The following MEP1A variants were observed in gnomAD, a reference collection of about 807,000 sequenced individuals.
The protein encoded by MEP1A is meprin A subunit alpha.
In MEP1A, 68 loss-of-function variants were observed where a neutral mutation model predicts 84.5. That is an observed-to-expected ratio of 0.80 (90% CI 0.66 to 0.98). MEP1A has a LOEUF of 0.98. MEP1A is among the 50% of genes least tolerant of loss of function. MEP1A has a pLI of 0.00. For synonymous variants in MEP1A, 337 were observed against 336.8 expected, an observed-to-expected ratio of 1.00 and a Z score of -0.01; for missense variants, 887 against 919.9, an observed-to-expected ratio of 0.96 and a Z score of 0.46.
Position 46,829,285 on chromosome 6 carries a change from CTTTG to C in MEP1A, c.929-66_929-63del, listed in dbSNP as rs61520652. 8.4e-3 allele frequency: 11,006 copies of C among 1,314,496 alleles called. 748 individuals carry two copies. In the African/African-American group the frequency reaches 0.14, roughly 17 times the overall value. 81.4% of individuals were successfully genotyped at this position (1,314,496 alleles called of 1,614,324 possible). A position where few individuals can be genotyped will look rare whatever the true frequency, so the allele number is the denominator to read the frequency against. ...ACAATGGCTGTGGTTCACTATTTCA[CTTTG>C]TTTGGGTGGACAGAACCCTGGGGTG... On this transcript the variant is annotated intron_variant, in intron 9 of 13. Coordinates refer to ENST00000230588, the MANE Select transcript of MEP1A (RefSeq NM_005588.3).
intron 3 of MEP1A, among the ~76,000 whole-genome samples, chr6:46,795,835 G>A (rs528161471): frequency 6.6e-6 from 1 of 152,084 alleles, no homozygotes; most frequent in African/African-American, 2.4e-5. Context: ...TCAACATAAA[G>A]TAAAGGCCCT....
the MEP1A span, among the ~76,000 whole-genome samples, chr6:46,845,897 C>A: frequency 2.0e-5 from 3 of 151,988 alleles, no homozygotes; most frequent in Non-Finnish European, 4.4e-5. Flanking sequence ...TTAATTAACA[C>A]CACTGTTATA....
At chr6:46,844,235 G>A (rs1486322630), downstream of MEP1A, among the ~76,000 whole-genome samples, 1 of 152,116 alleles carries the variant, frequency 6.6e-6, no homozygotes, top group East Asian at 1.9e-4. Context: ...AATGAATGGG[G>A]GATGGGAGAT....
chr6:46,799,018 G>C (rs550080462), intron 4 of MEP1A, 88 bp from the exon 5 acceptor site: 120 of 823,062 alleles, frequency 1.5e-4, no homozygotes, highest in Admixed American at 2.8e-4. Context: ...GTGATAGACT[G>C]TTTGCTCTGT....
At chr6:46,814,670 G>A (rs1039310067) in intron 6 of MEP1A, among the ~76,000 whole-genome samples, 9 of 152,148 alleles carry the variant, frequency 5.9e-5, no homozygotes, top group Admixed American at 5.2e-4. Context: ...TCTCATTTGG[G>A]TAGACTGTGT....
At chr6:46,824,425 CTAA>C (rs1767852627) in intron 7 of MEP1A, among the ~76,000 whole-genome samples, 2 of 144,570 alleles carry the variant, frequency 1.4e-5, no homozygotes, top group African/African-American at 5.0e-5. Flanking sequence ...AATATATTAA[CTAA>C]TATTAATAAT....
At chr6:46,798,568 C>T in intron 3 of MEP1A, 38 bp from the exon 4 acceptor site, 2 of 1,549,710 alleles carry the variant, frequency 1.3e-6, no homozygotes, top group Non-Finnish European at 1.8e-6. Context: ...ATAATGTTCA[C>T]TCAAATATTC....
chr6:46,844,194 G>A (rs182233385), downstream of MEP1A, among the ~76,000 whole-genome samples: 1 of 152,298 alleles, frequency 6.6e-6, no homozygotes, highest in East Asian at 1.9e-4. Context: ...CTGTAGCTGT[G>A]AGTGTCATTT....
chr6:46,802,130 T>C (rs768910891), intron 5 of MEP1A, among the ~76,000 whole-genome samples: 1 of 151,954 alleles, frequency 6.6e-6, no homozygotes, highest in Non-Finnish European at 1.5e-5. Flanking sequence ...CCTGCTGGGA[T>C]TTTGATAGGA....
intron 5 of MEP1A, among the ~76,000 whole-genome samples, chr6:46,807,565 AAAGGAAGGAAGGAAGGAAGG>A (rs1221947370): frequency 1.4e-5 from 1 of 71,818 alleles, no homozygotes; most frequent in African/African-American, 6.8e-5. Context: ...AGAAAGAAAG[AAAGGAAGGAAGGAAGGAAGG>A]AAGGAAGGAA....
chr6:46,813,860 G>A (rs1767563291), intron 6 of MEP1A, among the ~76,000 whole-genome samples: 1 of 152,118 alleles, frequency 6.6e-6, no homozygotes, highest in Non-Finnish European at 1.5e-5. Context: ...TTTTGTTTAA[G>A]GAGGTTAAAA....
chr6:46,809,294 T>C, intron 5 of MEP1A, 126 bp from the exon 6 acceptor site: 1 of 623,552 alleles, frequency 1.6e-6, no homozygotes, highest in Non-Finnish European at 2.7e-6. Flanking sequence ...ATCTATTTAT[T>C]ACCAAAAACC....
chr6:46,798,312 T>A (rs886520791), intron 3 of MEP1A, among the ~76,000 whole-genome samples: 1 of 152,180 alleles, frequency 6.6e-6, no homozygotes, highest in Non-Finnish European at 1.5e-5. Context: ...CTGCATCGAA[T>A]CCCTTTTTTA....
rs1396947486 is a variant in MEP1A, at chr6:46,833,455, C to T, written c.1526C>T (p.Thr509Ile). Residue 509 changes from threonine to isoleucine, a missense_variant, in exon 11 of 14, where the codon ACC becomes ATC. Physicochemically the swap from Thr to Ile is moderately conservative, Grantham distance 89. Transcript: ENST00000230588. ...GTAGAAAACAGACAGGTGATAATTA[C>T]CATCCTTGACCAGGAGCCTGATGTC... is the stretch of plus-strand genomic sequence containing the variant. ...WPVENRQVIITILDQEPDVRN... is the reference protein window; with the variant it reads ...WPVENRQVIIIILDQEPDVRN... The T allele has an allele frequency of 6.2e-7, 1 of 1,613,998 alleles. No homozygotes were observed. The highest frequency in any genetic ancestry group is 8.5e-7 in the Non-Finnish European group (1 of 1,180,038).
Position 46,807,822 on chromosome 6 carries a change from A to AGAAAGAAG in MEP1A, c.263-1591_263-1590insGGAAAGAA, listed in dbSNP as rs1554189046. Among the ~76,000 whole-genome samples the AGAAAGAAG allele has an allele frequency of 7.6e-4, 114 of 150,430 alleles. 1 individual carries two copies. The highest frequency in any genetic ancestry group is 2.2e-3 in the African/African-American group (89 of 40,804). ...AAGAAAGAAAGAAAGAAAGAAAGAA[A>AGAAAGAAG]GAAAGAAAGAAAGAAAGGAAGAAAG... On this transcript the variant is annotated intron_variant, in intron 5 of 13. Transcript: ENST00000230588.
At chr6:46,812,585 C>A (rs1025973978) in intron 6 of MEP1A, among the ~76,000 whole-genome samples, 1 of 151,942 alleles carries the variant, frequency 6.6e-6, no homozygotes, top group African/African-American at 2.4e-5. Context: ...CTCTTTCAGA[C>A]TTTTTGGTGT....
chr6:46,820,309 A>G (rs772828872), intron 7 of MEP1A, among the ~76,000 whole-genome samples: 2 of 152,128 alleles, frequency 1.3e-5, no homozygotes, highest in African/African-American at 4.8e-5. Flanking sequence ...TTCTGCCTCC[A>G]CCTCATACAA....
chr6:46,832,092 G>T (rs969423484), intron 10 of MEP1A, among the ~76,000 whole-genome samples: 1 of 152,146 alleles, frequency 6.6e-6, no homozygotes, highest in Non-Finnish European at 1.5e-5. Context: ...GGAAAGTATA[G>T]TTCTATAAGT....
chr6:46,815,556 C>G (rs766112590), intron 6 of MEP1A, among the ~76,000 whole-genome samples: 40 of 152,180 alleles, frequency 2.6e-4, no homozygotes, highest in Non-Finnish European at 5.4e-4. Context: ...CACAGGTTTT[C>G]AGCATCTCAG....
Sources: gnomAD v4.1 joint callset for allele counts (sites outside exome capture counted in the v4.1 genomes callset) on GRCh38, gnomAD v4.1.1 for gene constraint, MANE v1.5 for transcripts, NCBI Gene and HGNC (gene_info 2026-07-23, HGNC 2026-07-21) for gene names.